Variants in TNRC6B observed in about 807,000 individuals in gnomAD.
TNRC6B encodes the protein trinucleotide repeat containing adaptor 6B.
In TNRC6B, 52 loss-of-function variants were observed where a neutral mutation model predicts 203.6. The ratio of observed to expected loss-of-function variants is 0.26; its 90% CI spans 0.20 to 0.32. The LOEUF (loss-of-function observed/expected upper bound fraction) is 0.32, where lower values mean the gene tolerates loss of function less well. Among genes scored for constraint, TNRC6B ranks in the 10% least tolerant of loss-of-function variants. The pLI is 1.00. For missense variants in TNRC6B, 1,923 were observed against 2,286.2 expected, an observed-to-expected ratio of 0.84 and a Z score of 3.24; for synonymous variants, 838 against 845.7, an observed-to-expected ratio of 0.99 and a Z score of 0.16.
intron 1 of TNRC6B, among the ~76,000 whole-genome samples, chr22:40,234,290 C>CA (rs1194879704): frequency 2.0e-5 from 3 of 152,088 alleles, no homozygotes; most frequent in African/African-American, 7.2e-5. Context: ...TCAAAACAAA[C>CA]AAACAAAAAC....
intron 7 of TNRC6B, 114 bp from the exon 8 acceptor site, chr22:40,276,963 A>G: frequency 1.6e-6 from 1 of 621,834 alleles, no homozygotes; most frequent in Non-Finnish European, 2.5e-6. Flanking sequence ...TTAGTTAAAG[A>G]GAAATAGGAC....
At chr22:40,193,607 G>T (rs1187591624) in intron 1 of TNRC6B, among the ~76,000 whole-genome samples, 1 of 152,172 alleles carries the variant, frequency 6.6e-6, no homozygotes, top group Non-Finnish European at 1.5e-5. Flanking sequence ...GTACCTGGAA[G>T]AGAGGATGTC....
intron 1 of TNRC6B, among the ~76,000 whole-genome samples, chr22:40,108,666 C>A (rs1601819619): frequency 6.6e-6 from 1 of 152,150 alleles, no homozygotes; most frequent in East Asian, 1.9e-4. Context: ...TTGGGTGCAG[C>A]TGTTGTTGCT....
At chr22:40,227,435 G>C (rs1181593057) in intron 1 of TNRC6B, among the ~76,000 whole-genome samples, 1 of 124,450 alleles carries the variant, frequency 8.0e-6, no homozygotes, top group Admixed American at 1.0e-4. Flanking sequence ...GTGCCATCTT[G>C]GCCTCCCAGG....
chr22:40,269,083 T>TA, intron 5 of TNRC6B, among the ~76,000 whole-genome samples: 1 of 151,216 alleles, frequency 6.6e-6, no homozygotes, highest in Non-Finnish European at 1.5e-5. Context: ...GCTTCCAATT[T>TA]TAGCACATAG....
At chr22:40,227,681 T>G (rs964930941) in intron 1 of TNRC6B, among the ~76,000 whole-genome samples, 8 of 152,168 alleles carry the variant, frequency 5.3e-5, no homozygotes, top group Non-Finnish European at 8.8e-5. Flanking sequence ...AATTTCAATT[T>G]ACTGTGATTT....
intron 3 of TNRC6B, among the ~76,000 whole-genome samples, chr22:40,256,020 T>G (rs1227173919): frequency 1.3e-5 from 2 of 152,090 alleles, no homozygotes; most frequent in Non-Finnish European, 2.9e-5. Flanking sequence ...GCCTGGCTAA[T>G]TTTTTGTATT....
At chr22:40,059,476 C>T (rs762318925) in intron 1 of TNRC6B, among the ~76,000 whole-genome samples, 2 of 152,168 alleles carry the variant, frequency 1.3e-5, no homozygotes, top group Non-Finnish European at 2.9e-5. Flanking sequence ...GCTAGTACTT[C>T]GAGTACCATG....
chr22:40,061,856 C>G (rs563768410), intron 1 of TNRC6B, among the ~76,000 whole-genome samples: 94 of 152,152 alleles, frequency 6.2e-4, no homozygotes, highest in African/African-American at 2.1e-3. Context: ...GGTGGATCAT[C>G]TGACGTCAGG....
chr22:40,068,417 A>G (rs1293791663), intron 1 of TNRC6B, among the ~76,000 whole-genome samples: 1 of 152,040 alleles, frequency 6.6e-6, no homozygotes, highest in East Asian at 1.9e-4. Context: ...TCCTGGGTTC[A>G]GGTGATTGTC....
In TNRC6B at chr22:40,331,817, C is replaced by G; in HGVS notation, c.*8576C>G. ...CATCCTTGTTCTTCAGTTTCTGTGT[C>G]CATGGTGTCCCCGTGTCCTGGAGGG... is the stretch of plus-strand genomic sequence containing the variant. On this transcript the variant is annotated 3_prime_UTR_variant, in exon 23 of 23. Transcript: ENST00000454349. 1 of 369,602 alleles carries G rather than the reference C, an allele frequency of 2.7e-6. No homozygotes were observed. The allele number at this position is 369,602 out of a possible 1,614,324, so 22.9% of individuals were successfully genotyped here.
chr22:40,246,888 G>T (rs2070114889), intron 2 of TNRC6B, among the ~76,000 whole-genome samples: 2 of 152,050 alleles, frequency 1.3e-5, no homozygotes, highest in African/African-American at 2.4e-5. Context: ...TGCTTTGGAG[G>T]ATATGGCATT....
chr22:40,213,019 C>A (rs887223346), intron 1 of TNRC6B, among the ~76,000 whole-genome samples: 1 of 152,138 alleles, frequency 6.6e-6, no homozygotes, highest in Non-Finnish European at 1.5e-5. Flanking sequence ...CAGGCTAGGT[C>A]TCAACTGTTA....
chr22:40,103,723 A>G (rs1189484569), intron 1 of TNRC6B, among the ~76,000 whole-genome samples: 5 of 151,630 alleles, frequency 3.3e-5, no homozygotes, highest in Non-Finnish European at 5.9e-5. Context: ...GCTTCCTGCA[A>G]CCTCTACCTC....
intron 1 of TNRC6B, among the ~76,000 whole-genome samples, chr22:40,208,840 C>T (rs550087998): frequency 5.9e-5 from 9 of 152,176 alleles, no homozygotes; most frequent in East Asian, 5.8e-4. Context: ...TTTTTAAATG[C>T]GTTTTGAATT....
intron 1 of TNRC6B, among the ~76,000 whole-genome samples, chr22:40,179,438 A>T (rs2069105986): frequency 6.6e-6 from 1 of 151,406 alleles, no homozygotes; most frequent in African/African-American, 2.4e-5. Flanking sequence ...CTCCTGATTT[A>T]TGCTGTGGCA....
At chr22:40,234,607 G>T (rs1201226875) in intron 1 of TNRC6B, among the ~76,000 whole-genome samples, 1 of 152,128 alleles carries the variant, frequency 6.6e-6, no homozygotes, top group African/African-American at 2.4e-5. Flanking sequence ...AATGTAGAAG[G>T]AACTGTGTTA....
intron 1 of TNRC6B, among the ~76,000 whole-genome samples, chr22:40,086,868 CTAA>C (rs2068104680): frequency 1.3e-5 from 2 of 152,178 alleles, no homozygotes. Context: ...AAGAGAGATG[CTAA>C]TAAGCTTTTC....
intron 1 of TNRC6B, among the ~76,000 whole-genome samples, chr22:40,241,219 C>T (rs1227316783): frequency 6.6e-6 from 1 of 152,158 alleles, no homozygotes; most frequent in Non-Finnish European, 1.5e-5. Flanking sequence ...TGAGAATTAA[C>T]TGCTGATCCA....
Sources: allele counts gnomAD v4.1 joint callset (sites outside exome capture counted in the v4.1 genomes callset), GRCh38; gene constraint gnomAD v4.1.1; transcripts MANE v1.5; gene names NCBI Gene and HGNC (gene_info 2026-07-23, HGNC 2026-07-21).